Variants in GAS2 observed in about 807,000 individuals in gnomAD.
GAS2 encodes the protein growth arrest-specific protein 2.
A neutral mutation model predicts 37.5 loss-of-function variants in GAS2; 20 were observed. The observed-to-expected ratio is 0.53, with a 90% CI of 0.37 to 0.77. GAS2 has a LOEUF of 0.77. Among genes scored for constraint, GAS2 ranks in the 30% least tolerant of loss-of-function variants. The probability of loss-of-function intolerance (pLI) is 0.00; values close to 1 mark genes in which losing one functional copy is unlikely to be tolerated. For synonymous variants in GAS2, 144 were observed against 132.2 expected, an observed-to-expected ratio of 1.09 and a Z score of -0.61; for missense variants, 336 against 373.4, an observed-to-expected ratio of 0.90 and a Z score of 0.82.
intron 3 of GAS2, among the ~76,000 whole-genome samples, chr11:22,701,333 G>A (rs1349707855): frequency 1.3e-5 from 2 of 152,106 alleles, no homozygotes; most frequent in Non-Finnish European, 2.9e-5. Context: ...TGGATAGTTT[G>A]AGTATATGTT....
intron 5 of GAS2, among the ~76,000 whole-genome samples, chr11:22,744,624 C>T (rs1853278900): frequency 6.6e-6 from 1 of 151,978 alleles, no homozygotes; most frequent in Non-Finnish European, 1.5e-5. Flanking sequence ...AAACCCTCAA[C>T]TAACTAGACA....
intron 7 of GAS2, among the ~76,000 whole-genome samples, chr11:22,771,436 T>G (rs1854975817): frequency 6.6e-6 from 1 of 152,142 alleles, no homozygotes; most frequent in African/African-American, 2.4e-5. Context: ...AAAAGGAACC[T>G]CATGGACCTC....
intron 7 of GAS2, among the ~76,000 whole-genome samples, chr11:22,788,075 A>C (rs1855903446): frequency 6.6e-6 from 1 of 152,124 alleles, no homozygotes; most frequent in Non-Finnish European, 1.5e-5. Context: ...TTTAAGCAAG[A>C]TATGCTGCTC....
At chr11:22,699,038 C>T (rs972730859) in intron 3 of GAS2, among the ~76,000 whole-genome samples, 1 of 152,092 alleles carries the variant, frequency 6.6e-6, no homozygotes, top group Non-Finnish European at 1.5e-5. Context: ...GCTCAAGCCC[C>T]CACAAAATCT....
At chr11:22,772,063 A>G (rs1447662294) in intron 7 of GAS2, among the ~76,000 whole-genome samples, 1 of 152,162 alleles carries the variant, frequency 6.6e-6, no homozygotes, top group African/African-American at 2.4e-5. Context: ...AGACGTGCAA[A>G]TGTGTCATAC....
At chr11:22,755,157 G>A (rs185825509) in intron 6 of GAS2, among the ~76,000 whole-genome samples, 1 of 152,180 alleles carries the variant, frequency 6.6e-6, no homozygotes, top group African/African-American at 2.4e-5. Flanking sequence ...TTTTAGAAGA[G>A]TGGGAGAATA....
rs1038518247 is a variant in GAS2, at chr11:22,674,863, A to G, written c.-7A>G. The stretch of plus-strand genomic sequence containing the variant: ...TTTCCAAAACAGGTATTACAAGTGG[A>G]TAAATAATGTGCACTGCTCTGAGCC... On this transcript the variant is annotated 5_prime_UTR_variant, in exon 2 of 8. Transcript: ENST00000454584. The G allele has an allele frequency of 1.9e-6, 3 of 1,575,668 alleles. No individual in the cohort carries two copies. The highest frequency in any genetic ancestry group is 2.6e-6 in the Non-Finnish European group (3 of 1,163,378).
At chr11:22,782,759 T>G (rs1443912905) in intron 7 of GAS2, among the ~76,000 whole-genome samples, 1 of 132,500 alleles carries the variant, frequency 7.5e-6, no homozygotes, top group Non-Finnish European at 1.6e-5. Context: ...AATAATGTGA[T>G]TTTGTTCTTT....
chr11:22,733,689 A>G (rs981266059), intron 4 of GAS2, among the ~76,000 whole-genome samples: 26 of 151,672 alleles, frequency 1.7e-4, no homozygotes, highest in African/African-American at 6.3e-4. Context: ...AATCTAGGTT[A>G]TGAGAGTGAG....
At chr11:22,761,191 C>A (rs1201415127) in intron 7 of GAS2, among the ~76,000 whole-genome samples, 1 of 152,098 alleles carries the variant, frequency 6.6e-6, no homozygotes, top group Non-Finnish European at 1.5e-5. Flanking sequence ...TATCAGTGAT[C>A]TACGTACTCA....
intron 1 of GAS2, among the ~76,000 whole-genome samples, chr11:22,642,642 T>C (rs1175473373): frequency 6.6e-6 from 1 of 152,118 alleles, no homozygotes; most frequent in Non-Finnish European, 1.5e-5. Context: ...AAATCAGCAA[T>C]CGATACCAGC....
intron 7 of GAS2, among the ~76,000 whole-genome samples, chr11:22,769,895 T>C (rs1183741316): frequency 6.6e-6 from 1 of 152,130 alleles, no homozygotes. Flanking sequence ...AGGGTAAATA[T>C]TAGGTTGGTG....
chr11:22,643,327 G>A (rs1260147785), intron 1 of GAS2, among the ~76,000 whole-genome samples: 2 of 151,940 alleles, frequency 1.3e-5, no homozygotes, highest in Admixed American at 1.3e-4. Flanking sequence ...CAGAATCTGA[G>A]CATTTAATTT....
At chr11:22,661,275 C>T (rs1164176184) in intron 1 of GAS2, among the ~76,000 whole-genome samples, 3 of 152,188 alleles carry the variant, frequency 2.0e-5, no homozygotes, top group Non-Finnish European at 4.4e-5. Context: ...TCCCGTCTAT[C>T]ACCCAATGGC....
At chr11:22,658,037 T>C (rs868530662) in intron 1 of GAS2, among the ~76,000 whole-genome samples, 9 of 151,674 alleles carry the variant, frequency 5.9e-5, no homozygotes, top group African/African-American at 1.2e-4. Context: ...TTTTTTTTTT[T>C]CTTTTTTGAG....
chr11:22,651,539 G>A lies in GAS2; in HGVS notation c.-20-23311G>A, dbSNP rs11026717. Reference sequence around the variant, plus strand: ...TTTCCAACTTGGTTCCATTCTCCTCGTCACTTTCAGGTACACCAATCAGAC... The same window carrying A: ...TTTCCAACTTGGTTCCATTCTCCTCATCACTTTCAGGTACACCAATCAGAC... On this transcript the variant is annotated intron_variant, in intron 1 of 5. Transcript: ENST00000528582. 4.1e-3 allele frequency among the ~76,000 whole-genome samples: 624 copies of A among 152,184 alleles called. 16 individuals carry two copies. In the East Asian group the frequency reaches 0.077, roughly 19 times the overall value.
rs1282001619 is a variant in GAS2, at chr11:22,706,482, C to T, written c.268-19810C>T. Among the ~76,000 whole-genome samples the T allele has an allele frequency of 4.6e-5, 7 of 152,174 alleles. No individual in the cohort carries two copies. In the South Asian group the frequency reaches 8.3e-4, roughly 18 times the overall value. ...TATATCTCCCAATGCTATCCCTCCC[C>T]GCTCCCCCCACCCCACAACAGTCCC... On this transcript the variant is annotated intron_variant, in intron 3 of 7. Transcript: ENST00000454584.
chr11:22,717,732 G>A (rs930953044), intron 3 of GAS2, among the ~76,000 whole-genome samples: 2 of 150,876 alleles, frequency 1.3e-5, no homozygotes, highest in Non-Finnish European at 2.9e-5. Context: ...TTTGACAAAG[G>A]ACTAATATCC....
At chr11:22,798,358 G>A (rs1160822120) in intron 7 of GAS2, among the ~76,000 whole-genome samples, 2 of 151,956 alleles carry the variant, frequency 1.3e-5, no homozygotes, top group Admixed American at 6.6e-5. Context: ...ACTATGGGAG[G>A]AAGGAATTAC....
Sources: gnomAD v4.1 joint callset for allele counts (sites outside exome capture counted in the v4.1 genomes callset) on GRCh38, gnomAD v4.1.1 for gene constraint, MANE v1.5 for transcripts, NCBI Gene and HGNC (gene_info 2026-07-23, HGNC 2026-07-21) for gene names.